Variants in VAT1L observed in about 807,000 individuals in gnomAD.
The protein encoded by VAT1L is putative NADPH-dependent quinone oxidoreductase VAT1L.
VAT1L carries 34 observed loss-of-function variants against 44.1 expected under a neutral mutation model. The ratio of observed to expected loss-of-function variants is 0.77; its 90% CI spans 0.59 to 1.03. The LOEUF is 1.03. Ranked by LOEUF, VAT1L falls within the 50% of genes least tolerant of loss-of-function variation. The pLI is 0.00. For missense variants in VAT1L, 615 were observed against 538.8 expected (o/e 1.14, Z -1.40); for synonymous variants, 253 against 202.2 (o/e 1.25, Z -2.13).
chr16:77,840,542 G>T (rs1372577636), intron 3 of VAT1L, among the ~76,000 whole-genome samples: 1 of 151,982 alleles, frequency 6.6e-6, no homozygotes, highest in Admixed American at 6.5e-5. Context: ...TTTTTATTTT[G>T]TATCCATAAA....
intron 7 of VAT1L, among the ~76,000 whole-genome samples, chr16:77,903,630 G>T (rs757378662): frequency 1.3e-4 from 19 of 151,992 alleles, no homozygotes; most frequent in Non-Finnish European, 2.5e-4. Context: ...ATTCTGATTT[G>T]GAGATCGCCT....
intron 2 of VAT1L, among the ~76,000 whole-genome samples, chr16:77,817,952 C>A (rs1296527294): frequency 3.9e-5 from 6 of 152,068 alleles, no homozygotes; most frequent in Non-Finnish European, 8.8e-5. Context: ...CTTTTTTAAG[C>A]CTCCACCATA....
chr16:77,929,049 T>G (rs1412338983), intron 7 of VAT1L, among the ~76,000 whole-genome samples: 1 of 152,178 alleles, frequency 6.6e-6, no homozygotes, highest in Non-Finnish European at 1.5e-5. Context: ...TCTCTTGACC[T>G]CGTGATCCGC....
intron 7 of VAT1L, among the ~76,000 whole-genome samples, chr16:77,904,942 A>G (rs1402607277): frequency 1.3e-5 from 2 of 152,052 alleles, no homozygotes; most frequent in African/African-American, 4.8e-5. Context: ...GGCCATGAAG[A>G]GTTAGAAAAT....
intron 4 of VAT1L, among the ~76,000 whole-genome samples, chr16:77,864,842 A>C (rs1373518688): frequency 6.6e-6 from 1 of 152,150 alleles, no homozygotes; most frequent in African/African-American, 2.4e-5. Flanking sequence ...GCAGGATGTG[A>C]AAGGAAAGCT....
intron 3 of VAT1L, among the ~76,000 whole-genome samples, chr16:77,836,406 G>A (rs144554252): frequency 7.9e-5 from 12 of 152,160 alleles, no homozygotes; most frequent in African/African-American, 2.4e-4. Flanking sequence ...AGAACTAAAT[G>A]GCTTTATCAT....
At chr16:77,929,537 T>G (rs1239758140) in intron 7 of VAT1L, among the ~76,000 whole-genome samples, 1 of 152,090 alleles carries the variant, frequency 6.6e-6, no homozygotes, top group African/African-American at 2.4e-5. Context: ...TAATTTCAAG[T>G]GGAAGAAAAG....
At chr16:77,969,532 G>A (rs987719026) in intron 7 of VAT1L, among the ~76,000 whole-genome samples, 1 of 152,054 alleles carries the variant, frequency 6.6e-6, no homozygotes, top group African/African-American at 2.4e-5. Context: ...CCTCTCCATA[G>A]GGCAGCTCAC....
At chr16:77,881,065 G>A (rs2017148760) in intron 6 of VAT1L, among the ~76,000 whole-genome samples, 2 of 152,192 alleles carry the variant, frequency 1.3e-5, no homozygotes. Flanking sequence ...ACATACGGGT[G>A]CATGTGTCCT....
chr16:77,912,669 T>C (rs941038518), intron 7 of VAT1L, among the ~76,000 whole-genome samples: 2 of 152,226 alleles, frequency 1.3e-5, no homozygotes, highest in Non-Finnish European at 2.9e-5. Flanking sequence ...ATTTCTCCTA[T>C]TGTAAAGTAT....
intron 7 of VAT1L, among the ~76,000 whole-genome samples, chr16:77,903,948 G>A (rs191605923): frequency 6.6e-6 from 1 of 151,806 alleles, no homozygotes; most frequent in African/African-American, 2.4e-5. Flanking sequence ...ATGTTAGCAA[G>A]GATGGTCTCG....
chr16:77,823,320 A>G (rs1339017198), intron 2 of VAT1L, among the ~76,000 whole-genome samples: 1 of 152,068 alleles, frequency 6.6e-6, no homozygotes, highest in Non-Finnish European at 1.5e-5. Flanking sequence ...TCTCTTCTGA[A>G]ATATTATCCC....
At chr16:77,890,654 G>A (rs1209845817) in intron 7 of VAT1L, among the ~76,000 whole-genome samples, 1 of 152,148 alleles carries the variant, frequency 6.6e-6, no homozygotes, top group Non-Finnish European at 1.5e-5. Flanking sequence ...CAGGCGTGGT[G>A]GCTCACACCT....
chr16:77,803,186 C>G (rs1437992032), intron 1 of VAT1L, among the ~76,000 whole-genome samples: 2 of 152,158 alleles, frequency 1.3e-5, no homozygotes, highest in Non-Finnish European at 2.9e-5. Context: ...CTACTACTCT[C>G]TCCTCCTTAG....
At chr16:77,807,264 A>G (rs1363215229) in intron 1 of VAT1L, among the ~76,000 whole-genome samples, 2 of 151,818 alleles carry the variant, frequency 1.3e-5, no homozygotes, top group Admixed American at 1.3e-4. Context: ...CTCAGTGCTC[A>G]CTCCCCCAGC....
chr16:77,801,975 C>T (rs1395877246), intron 1 of VAT1L, among the ~76,000 whole-genome samples: 4 of 152,172 alleles, frequency 2.6e-5, no homozygotes, highest in South Asian at 2.1e-4. Context: ...GCCATCCATG[C>T]GCCCACCTTC....
At chr16:77,877,642 G>C (rs1459933879) in intron 5 of VAT1L, among the ~76,000 whole-genome samples, 1 of 151,374 alleles carries the variant, frequency 6.6e-6, no homozygotes, top group African/African-American at 2.4e-5. Flanking sequence ...TAAGATTCTT[G>C]GTACCTTGTC....
rs557493580 is a variant in VAT1L at position 77,905,786 on chromosome 16, C to G, written c.1077+20984C>G. ...TCCTCTGAAGCGTTTATAAGCTTAT[C>G]ATAGGCCTGCAGTGTTGAGAAACAT... On this transcript the variant is annotated intron_variant, in intron 7 of 8. Coordinates refer to ENST00000302536, the MANE Select transcript of VAT1L (RefSeq NM_020927.3). Among the ~76,000 whole-genome samples, 40 of 152,276 alleles carry G rather than the reference C, an allele frequency of 2.6e-4. 1 individual carries two copies. Among genetic ancestry groups the G allele is most frequent in the Admixed American group, 2.6e-3 (40 of 15,288 alleles).
At chr16:77,843,287 G>C (rs2016725552) in intron 3 of VAT1L, among the ~76,000 whole-genome samples, 1 of 152,082 alleles carries the variant, frequency 6.6e-6, no homozygotes, top group Admixed American at 6.6e-5. Context: ...CAGCTGGGCA[G>C]TGGGAGGGCA....
Sources: gnomAD v4.1 joint callset for allele counts (sites outside exome capture counted in the v4.1 genomes callset) on GRCh38, gnomAD v4.1.1 for gene constraint, MANE v1.5 for transcripts, NCBI Gene and HGNC (gene_info 2026-07-23, HGNC 2026-07-21) for gene names.